PTPRQ: variants seen among roughly 807,000 people sequenced by gnomAD.
PTPRQ encodes the protein protein tyrosine phosphatase receptor type Q.
In PTPRQ, 199 loss-of-function variants were observed where a neutral mutation model predicts 246.0. That is an observed-to-expected ratio of 0.81 (90% CI 0.72 to 0.91). The LOEUF is 0.91. Ranked by LOEUF, PTPRQ falls within the 40% of genes least tolerant of loss-of-function variation. PTPRQ has a pLI of 0.00. For synonymous variants in PTPRQ, 869 were observed against 853.2 expected (o/e 1.02, Z -0.32); for missense variants, 2,624 against 2,528.4 (o/e 1.04, Z -0.81).
intron 17 of PTPRQ, among the ~76,000 whole-genome samples, chr12:80,512,995 C>T (rs7972146): frequency 0.35 from 53,412 of 151,852 alleles, 11,735 homozygotes; most frequent in African/African-American, 0.62. Flanking sequence ...GACGGGCAGG[C>T]TGTGGGGCTC....
intron 25 of PTPRQ, among the ~76,000 whole-genome samples, chr12:80,557,738 G>A (rs1462428965): frequency 6.6e-6 from 1 of 152,014 alleles, no homozygotes; most frequent in Admixed American, 6.6e-5. Flanking sequence ...TCTTCCAGTG[G>A]TAACATCTCT....
rs1162330945 is a variant in PTPRQ at position 80,678,725 on chromosome 12, G to T, written c.6862G>T (p.Gly2288Cys). The T allele has an allele frequency of 4.5e-6, 7 of 1,547,194 alleles. No individual in the cohort carries two copies. In the South Asian group the frequency reaches 8.4e-5, roughly 19 times the overall value. ...GATGGACTCTTTGGACGCCATGGAA[G>T]GTAAACAGAAACAACAGTATATGCC... ...QKMDSLDAMEGDVELEWEETT... is the reference protein window; with the variant it reads ...QKMDSLDAMECDVELEWEETT... The change falls in exon 44 of 45, where the codon GGT becomes TGT. Residue 2288 changes from glycine to cysteine, a missense_variant and splice_region_variant. Transcript: ENST00000644991.
In PTPRQ at chr12:80,496,120, T is replaced by C; in HGVS notation, c.1990+14T>C. The C allele has an allele frequency of 6.5e-7, 1 of 1,544,880 alleles. No homozygotes were observed. Among genetic ancestry groups the C allele is most frequent in the East Asian group, 2.5e-5 (1 of 40,790 alleles). ...CTTCAGAAGATGGTAAGAATATCAATTGCAGCTTTAATTTTTTTAAAAAAG... is the reference window on the plus strand; with the variant it reads ...CTTCAGAAGATGGTAAGAATATCAACTGCAGCTTTAATTTTTTTAAAAAAG... On this transcript the variant is annotated intron_variant, in intron 13 of 44. Coordinates refer to ENST00000644991, the MANE Select transcript of PTPRQ (RefSeq NM_001145026.2).
At chr12:80,620,465 A>G (rs1311786675) in intron 32 of PTPRQ, 89 bp downstream of exon 32, 58 of 1,514,192 alleles carry the variant, frequency 3.8e-5, no homozygotes, top group Non-Finnish European at 4.5e-5. Context: ...TCATCTTTCC[A>G]ATAAGCACTG....
At chr12:80,484,686 C>T in intron 9 of PTPRQ, 81 bp downstream of exon 9, 1 of 1,484,404 alleles carries the variant, frequency 6.7e-7, no homozygotes, top group Non-Finnish European at 9.0e-7. Context: ...TTGCTAGCAC[C>T]CACACATGTA....
Position 80,496,060 on chromosome 12 carries a change from T to A in PTPRQ, c.1944T>A (p.Ser648Arg), listed in dbSNP as rs1264975485. 1.9e-6 allele frequency: 3 copies of A among 1,549,904 alleles called. No homozygotes were observed. The East Asian group carries it at 7.4e-5, about 38-fold the overall frequency. ...RVAASTHVGE[S>R]SLSEENDIFV... ...CAGCCTCAACCCACGTTGGAGAAAG[T>A]TCTTTGTCTGAAGAAAATGACATCT... is the stretch of plus-strand genomic sequence containing the variant. Residue 648 changes from serine to arginine, a missense_variant, in exon 13 of 45, where the codon AGT becomes AGA. Ser to Arg is a moderately radical substitution (Grantham distance 110). Transcript: ENST00000644991.
intron 3 of PTPRQ, among the ~76,000 whole-genome samples, chr12:80,454,914 T>G (rs1045309011): frequency 6.6e-6 from 1 of 152,220 alleles, no homozygotes; most frequent in African/African-American, 2.4e-5. Flanking sequence ...CAGTGCCTCA[T>G]GCCTGTAATC....
intron 9 of PTPRQ, 41 bp downstream of exon 9, chr12:80,484,646 C>T: frequency 6.5e-7 from 1 of 1,541,768 alleles, no homozygotes; most frequent in African/African-American, 1.4e-5. Flanking sequence ...ACCCTTTCTG[C>T]TTGGTTCTGG....
At chr12:80,652,488 T>C (rs1039416762) in intron 37 of PTPRQ, among the ~76,000 whole-genome samples, 1 of 152,034 alleles carries the variant, frequency 6.6e-6, no homozygotes, top group African/African-American at 2.4e-5. Flanking sequence ...GGTTGCCACA[T>C]CTTAAGGCTT....
rs938059339 is a variant in PTPRQ, at chr12:80,506,159, A to G, written c.2408A>G (p.Asn803Ser). 3.3e-6 allele frequency: 5 copies of G among 1,531,224 alleles called. No individual in the cohort carries two copies. The highest frequency in any genetic ancestry group is 2.5e-5 in the East Asian group (1 of 40,422). 94.9% of individuals were successfully genotyped at this position (1,531,224 alleles called of 1,614,324 possible). The change falls in exon 15 of 45, where the codon AAT (asparagine) becomes AGT (serine). Residue 803 changes from asparagine (N) to serine (S), a missense_variant. Coordinates refer to ENST00000644991, the MANE Select transcript of PTPRQ (RefSeq NM_001145026.2). ...YTIYLKRSNG[N>S]EERTINTTSL... ...ATTTATCTCAAGAGAAGTAATGGAAATGAGGAAAGAACTATAAATACAACC... is the reference window on the plus strand; with the variant it reads ...ATTTATCTCAAGAGAAGTAATGGAAGTGAGGAAAGAACTATAAATACAACC...
intron 8 of PTPRQ, among the ~76,000 whole-genome samples, 156 bp downstream of exon 8, chr12:80,472,407 C>T (rs566250522): frequency 8.0e-4 from 121 of 152,190 alleles, no homozygotes; most frequent in African/African-American, 2.8e-3. Context: ...CATGTGTTCT[C>T]CAGAATGTTA....
chr12:80,563,783 G>C (rs937692128), intron 25 of PTPRQ, among the ~76,000 whole-genome samples: 6 of 152,108 alleles, frequency 3.9e-5, no homozygotes, highest in Non-Finnish European at 1.5e-5. Context: ...TTGACATTAT[G>C]GTGGAAGGGT....
At chr12:80,540,003 G>T in intron 20 of PTPRQ, 59 bp downstream of exon 20, 2 of 1,322,310 alleles carry the variant, frequency 1.5e-6, no homozygotes, top group Non-Finnish European at 2.0e-6. Flanking sequence ...ATTATTTTAG[G>T]AAATTTTACT....
intron 8 of PTPRQ, among the ~76,000 whole-genome samples, chr12:80,477,942 G>C (rs571841139): frequency 1.2e-4 from 18 of 152,218 alleles, no homozygotes; most frequent in Admixed American, 2.0e-4. Context: ...AGGCGGCAGC[G>C]AAGCTGGGTG....
chr12:80,487,126 C>A (rs1454062882), intron 9 of PTPRQ, among the ~76,000 whole-genome samples: 1 of 152,018 alleles, frequency 6.6e-6, no homozygotes, highest in Non-Finnish European at 1.5e-5. Flanking sequence ...GCCTTACTTT[C>A]TACTCTGATC....
At chr12:80,532,741 T>C (rs908892691) in intron 17 of PTPRQ, among the ~76,000 whole-genome samples, 1 of 152,198 alleles carries the variant, frequency 6.6e-6, no homozygotes, top group African/African-American at 2.4e-5. Flanking sequence ...GGATGTCAAA[T>C]GAAACTGTTT....
In PTPRQ at chr12:80,537,407, C is replaced by G. The variant is rs145601759; in HGVS notation, c.2986-2369C>G. Among the ~76,000 whole-genome samples the G allele has an allele frequency of 4.6e-5, 7 of 152,220 alleles. No individual in the cohort carries two copies. The East Asian group carries it at 1.2e-3, about 25-fold the overall frequency. ...CATATCATGTTCTGCCTCCTATTACCGATAACTGTTGCTTCTCTTAGTTCC... is the reference window on the plus strand; with the variant it reads ...CATATCATGTTCTGCCTCCTATTACGGATAACTGTTGCTTCTCTTAGTTCC... On this transcript the variant is annotated intron_variant, in intron 19 of 44. Transcript: ENST00000644991.
intron 24 of PTPRQ, 98 bp downstream of exon 24, chr12:80,546,795 G>A (rs968726103): frequency 8.5e-6 from 12 of 1,407,684 alleles, no homozygotes; most frequent in Non-Finnish European, 1.0e-5. Flanking sequence ...TTACTTAAGA[G>A]TCTACTCAAA....
At chr12:80,571,235 C>G (rs1314765497) in intron 25 of PTPRQ, among the ~76,000 whole-genome samples, 1 of 152,178 alleles carries the variant, frequency 6.6e-6, no homozygotes, top group Admixed American at 6.5e-5. Flanking sequence ...ACCTCTGCCT[C>G]CCGGGTTCAA....
Sources: gnomAD v4.1 joint callset for allele counts (sites outside exome capture counted in the v4.1 genomes callset) on GRCh38, gnomAD v4.1.1 for gene constraint, MANE v1.5 for transcripts, NCBI Gene and HGNC (gene_info 2026-07-23, HGNC 2026-07-21) for gene names.